DNM2: variants seen among roughly 807,000 people sequenced by gnomAD.
The protein encoded by DNM2 is dynamin 2.
A neutral mutation model predicts 99.0 loss-of-function variants in DNM2; 15 were observed. The ratio of observed to expected loss-of-function variants is 0.15; its 90% CI spans 0.10 to 0.23. The LOEUF is 0.23. DNM2 is among the 10% of genes least tolerant of loss of function. The pLI is 1.00. For synonymous variants in DNM2, 525 were observed against 481.2 expected (o/e 1.09, Z -1.19); for missense variants, 742 against 1,189.4 (o/e 0.62, Z 5.53).
intron 9 of DNM2, 60 bp from the exon 10 acceptor site, chr19:10,797,320 G>A: frequency 6.2e-7 from 1 of 1,603,984 alleles, no homozygotes. Flanking sequence ...TGTCCTGCGT[G>A]TGTGGCCTGC....
intron 11 of DNM2, 33 bp from the exon 12 acceptor site, chr19:10,802,255 C>G (rs768021968): frequency 1.2e-6 from 2 of 1,613,526 alleles, no homozygotes; most frequent in Middle Eastern, 1.6e-4. Flanking sequence ...CAGGCTTGGC[C>G]TTGTACTCAC....
chr19:10,766,037 G>A (rs2070785240), intron 2 of DNM2, among the ~76,000 whole-genome samples: 1 of 152,268 alleles, frequency 6.6e-6, no homozygotes, highest in Middle Eastern at 3.4e-3. Context: ...CTGTGTCATT[G>A]CATTTTGGGG....
chr19:10,783,178 C>T (rs1002586209), intron 6 of DNM2, 58 bp downstream of exon 6: 11 of 1,592,412 alleles, frequency 6.9e-6, no homozygotes, highest in Non-Finnish European at 9.4e-6. Flanking sequence ...TGCACAACAG[C>T]TGCAATCCTC....
chr19:10,812,699 A>G lies in DNM2; in HGVS notation c.1671+322A>G, dbSNP rs1055152682. ...CTACTCAGGAGGCTGAGGCAGGAGA[A>G]TCGTTTGAACCCGGGAGGCGGAGGT... is the stretch of plus-strand genomic sequence containing the variant. On this transcript the variant is annotated intron_variant, in intron 15 of 20. Coordinates refer to ENST00000389253, the MANE Select transcript of DNM2 (RefSeq NM_001005361.3). The surrounding 1 kb of genome is among the most constrained non-coding windows in gnomAD (Gnocchi z 4.0). 1.3e-5 allele frequency among the ~76,000 whole-genome samples: 2 copies of G among 152,172 alleles called. No individual in the cohort carries two copies. Among genetic ancestry groups the G allele is most frequent in the Non-Finnish European group, 2.9e-5 (2 of 68,028 alleles).
chr19:10,768,334 G>A (rs2070866980), intron 2 of DNM2, among the ~76,000 whole-genome samples: 3 of 152,002 alleles, frequency 2.0e-5, no homozygotes, highest in Admixed American at 2.0e-4. Flanking sequence ...GGCGCCTGTC[G>A]TCCCAGCTAC....
chr19:10,803,011 G>A (rs558475874), intron 12 of DNM2, among the ~76,000 whole-genome samples: 11 of 152,326 alleles, frequency 7.2e-5, no homozygotes, highest in South Asian at 2.1e-4. Context: ...GGGTGGTGCC[G>A]CTGGTATGCC....
At chr19:10,787,315 C>G (rs1478483686) in intron 7 of DNM2, among the ~76,000 whole-genome samples, 1 of 151,724 alleles carries the variant, frequency 6.6e-6, no homozygotes, top group African/African-American at 2.4e-5. Flanking sequence ...AAAAAAAATA[C>G]AAAAAACTAG....
intron 1 of DNM2, among the ~76,000 whole-genome samples, chr19:10,728,911 C>T (rs899052527): frequency 2.0e-5 from 3 of 150,802 alleles, no homozygotes; most frequent in Admixed American, 6.6e-5. Flanking sequence ...TGCACCACTG[C>T]GCTCCAGCCT....
intron 6 of DNM2, among the ~76,000 whole-genome samples, chr19:10,783,705 A>ATTTT (rs1020896849): frequency 6.9e-6 from 1 of 145,302 alleles, no homozygotes; most frequent in Non-Finnish European, 1.5e-5. Context: ...TATTATTATT[A>ATTTT]TTTTTTATTT....
intron 1 of DNM2, among the ~76,000 whole-genome samples, chr19:10,751,448 C>CT (rs2070191330): frequency 6.6e-6 from 1 of 152,146 alleles, no homozygotes; most frequent in South Asian, 2.1e-4. Flanking sequence ...TCACTTCCTG[C>CT]TAAGTGGCCA....
Position 10,779,752 on chromosome 19 carries a change from C to A in DNM2, c.688+2536C>A, listed in dbSNP as rs145728496. ...CCAGGCTGGAGTGCAGGGGCACAAT[C>A]TCAGCTGACTGCAACCTCTGCCTCC... On this transcript the variant is annotated intron_variant, in intron 5 of 20. Transcript: ENST00000389253. Among the ~76,000 whole-genome samples, 515 of 152,062 alleles carry A rather than the reference C, an allele frequency of 3.4e-3. 2 individuals are homozygous for A. The highest frequency in any genetic ancestry group is 0.012 in the African/African-American group (499 of 41,490).
chr19:10,732,986 C>T (rs532621969), intron 1 of DNM2, among the ~76,000 whole-genome samples: 12 of 151,952 alleles, frequency 7.9e-5, no homozygotes, highest in African/African-American at 2.4e-4. Flanking sequence ...CAGGTTCAAG[C>T]GATTCTCCTG....
At position 10,765,901 on chromosome 19, in the gene DNM2, C is replaced by T. The variant is rs2070782208; in HGVS notation, c.235+6090C>T. 6.6e-6 allele frequency among the ~76,000 whole-genome samples: 1 copy of T among 152,162 alleles called. No individual in the cohort carries two copies. Among genetic ancestry groups the T allele is most frequent in the African/African-American group, 2.4e-5 (1 of 41,440 alleles). On this transcript the variant is annotated intron_variant, in intron 2 of 20. Transcript: ENST00000389253. This position sits in a 1 kb window ranked among gnomAD's most constrained non-coding sequence, Gnocchi z 4.4. Reference sequence around the variant, plus strand: ...AACGGTGAGAAGATCCAGGGCAGAGCCCCAGTGTGCAAAGCACTGGGACCC... The same window carrying T: ...AACGGTGAGAAGATCCAGGGCAGAGTCCCAGTGTGCAAAGCACTGGGACCC...
intron 1 of DNM2, among the ~76,000 whole-genome samples, chr19:10,740,022 A>G (rs993664370): frequency 2.0e-5 from 3 of 152,044 alleles, no homozygotes; most frequent in Non-Finnish European, 2.9e-5. Flanking sequence ...GGGTCTTTCT[A>G]GGAATTTGTC....
At position 10,723,080 on chromosome 19, in the gene DNM2, C is replaced by T. The variant is rs2068991816; in HGVS notation, c.161+4677C>T. Among the ~76,000 whole-genome samples, 3 of 151,688 alleles carry T rather than the reference C, an allele frequency of 2.0e-5. No homozygotes were observed. The South Asian group carries it at 6.2e-4, about 32-fold the overall frequency. On this transcript the variant is annotated intron_variant, in intron 1 of 20. Transcript: ENST00000389253. ...TCCTGAGTTCAAGTGATTCTCCTGT[C>T]TCAGCCTCCCGAGTAGCTGGGACTA... is the stretch of plus-strand genomic sequence containing the variant.
intron 2 of DNM2, among the ~76,000 whole-genome samples, chr19:10,761,865 T>G (rs1352255889): frequency 6.6e-6 from 1 of 152,204 alleles, no homozygotes; most frequent in Non-Finnish European, 1.5e-5. Context: ...CTTTATGAGC[T>G]CTGCTATTTC....
intron 5 of DNM2, 81 bp downstream of exon 5, chr19:10,777,297 C>A: frequency 7.5e-7 from 1 of 1,341,440 alleles, no homozygotes; most frequent in Non-Finnish European, 1.1e-6. Flanking sequence ...CTGTTCCCTG[C>A]CTGCCTGGAA....
chr19:10,719,094 C>T (rs1235128949), intron 1 of DNM2, among the ~76,000 whole-genome samples: 1 of 152,166 alleles, frequency 6.6e-6, no homozygotes, highest in African/African-American at 2.4e-5. Flanking sequence ...TTGATTCTCT[C>T]TGGCTGACTC....
intron 12 of DNM2, among the ~76,000 whole-genome samples, chr19:10,803,317 C>T (rs905752412): frequency 6.6e-6 from 1 of 152,094 alleles, no homozygotes; most frequent in Non-Finnish European, 1.5e-5. Context: ...GGATCTGTTC[C>T]GTGCTGGGCA....
Sources: gnomAD v4.1 joint callset for allele counts (sites outside exome capture counted in the v4.1 genomes callset) on GRCh38, gnomAD v4.1.1 for gene constraint, Gnocchi (gnomAD v3.1) non-coding constraint, MANE v1.5 for transcripts, NCBI Gene and HGNC (gene_info 2026-07-23, HGNC 2026-07-21) for gene names.